RHOT1: variants seen among roughly 807,000 people sequenced by gnomAD.
The protein encoded by RHOT1 is ras homolog family member T1.
RHOT1 carries 27 observed loss-of-function variants against 95.3 expected under a neutral mutation model. That is an observed-to-expected ratio of 0.28 (90% CI 0.21 to 0.39). The LOEUF is 0.39. Among genes scored for constraint, RHOT1 ranks in the 10% least tolerant of loss-of-function variants. The pLI, the probability that RHOT1 is intolerant of heterozygous loss-of-function variation, is 1.00. For synonymous variants in RHOT1, 227 were observed against 263.5 expected (o/e 0.86, Z 1.34); for missense variants, 578 against 786.7 (o/e 0.73, Z 3.17).
chr17:32,187,566 A>C (rs1189194263), intron 8 of RHOT1, among the ~76,000 whole-genome samples: 4 of 152,182 alleles, frequency 2.6e-5, no homozygotes, highest in Non-Finnish European at 5.9e-5. Flanking sequence ...TCTGTACACT[A>C]AGGAAACATT....
At chr17:32,170,968 G>A in intron 1 of RHOT1, 75 bp from the exon 2 acceptor site, 1 of 914,126 alleles carries the variant, frequency 1.1e-6, no homozygotes, top group South Asian at 1.5e-5. Flanking sequence ...GTAACAGACT[G>A]CCTTATGTGG....
At chr17:32,181,980 C>T (rs1016424302) in intron 6 of RHOT1, among the ~76,000 whole-genome samples, 17 of 152,198 alleles carry the variant, frequency 1.1e-4, no homozygotes, top group African/African-American at 3.6e-4. Flanking sequence ...GCTGTTCCTT[C>T]CTCCTCGCTT....
At chr17:32,207,946 A>T (rs1190435764) in intron 17 of RHOT1, among the ~76,000 whole-genome samples, 161 bp from the exon 18 acceptor site, 1 of 152,142 alleles carries the variant, frequency 6.6e-6, no homozygotes, top group African/African-American at 2.4e-5. Context: ...TTATTATATG[A>T]GATTTACCTA....
intron 18 of RHOT1, 88 bp downstream of exon 18, chr17:32,208,397 T>C: frequency 7.9e-7 from 1 of 1,267,684 alleles, no homozygotes; most frequent in African/African-American, 1.5e-5. Context: ...CTTTGTCACA[T>C]AGGAATTGTT....
chr17:32,215,745 T>C (rs1241841267), intron 19 of RHOT1, among the ~76,000 whole-genome samples: 2 of 152,220 alleles, frequency 1.3e-5, no homozygotes, highest in African/African-American at 4.8e-5. Context: ...TTAAAAATTT[T>C]TATTTCCAAT....
At chr17:32,145,812 C>T (rs1056961130) in intron 1 of RHOT1, among the ~76,000 whole-genome samples, 2 of 151,916 alleles carry the variant, frequency 1.3e-5, no homozygotes, top group Non-Finnish European at 1.5e-5. Flanking sequence ...GTCAGGAGTT[C>T]GAGACCAGCC....
Position 32,198,929 on chromosome 17 carries a change from C to G in RHOT1, c.870-18C>G, listed in dbSNP as rs1188446666. 2 of 1,517,606 alleles carry G rather than the reference C, an allele frequency of 1.3e-6. No homozygotes were observed. The highest frequency in any genetic ancestry group is 1.2e-5 in the South Asian group (1 of 85,622). 94.0% of individuals were successfully genotyped at this position (1,517,606 alleles called of 1,614,324 possible). ...CATTTGATTAATGATTTATTTTACT[C>G]TTGAATTTTTTCAACAGGCTGAAAA... On this transcript the variant is annotated intron_variant, in intron 11 of 19. Coordinates refer to ENST00000545287, the MANE Select transcript of RHOT1 (RefSeq NM_001033566.3).
chr17:32,190,410 G>A (rs1180882390), intron 8 of RHOT1, among the ~76,000 whole-genome samples: 3 of 151,800 alleles, frequency 2.0e-5, no homozygotes, highest in Non-Finnish European at 2.9e-5. Flanking sequence ...AGCCAAGATC[G>A]CACAACTGCA....
intron 18 of RHOT1, among the ~76,000 whole-genome samples, chr17:32,210,619 C>CAT (rs1269599588): frequency 6.6e-6 from 1 of 152,144 alleles, no homozygotes; most frequent in Admixed American, 6.6e-5. Flanking sequence ...GGGTTGAATA[C>CAT]ACTTGTCTTT....
At chr17:32,160,897 A>G (rs2033480257) in intron 1 of RHOT1, among the ~76,000 whole-genome samples, 1 of 152,212 alleles carries the variant, frequency 6.6e-6, no homozygotes, top group Non-Finnish European at 1.5e-5. Context: ...GAACGAGCCC[A>G]GTGGGCCAGA....
At chr17:32,149,591 CTATA>C (rs1162059092) in intron 1 of RHOT1, among the ~76,000 whole-genome samples, 3,280 of 52,318 alleles carry the variant, frequency 0.063, 95 homozygotes, top group Non-Finnish European at 0.073. Flanking sequence ...CCCAGCAGTT[CTATA>C]TATATATATA....
intron 1 of RHOT1, among the ~76,000 whole-genome samples, chr17:32,164,341 C>G (rs2033852868): frequency 6.6e-6 from 1 of 151,670 alleles, no homozygotes; most frequent in Non-Finnish European, 1.5e-5. Flanking sequence ...TCAAGCGATT[C>G]TTCTGCCTCA....
At chr17:32,183,973 A>G (rs1316311722) in intron 8 of RHOT1, among the ~76,000 whole-genome samples, 1 of 152,260 alleles carries the variant, frequency 6.6e-6, no homozygotes, top group Non-Finnish European at 1.5e-5. Flanking sequence ...GGCGTGAGCC[A>G]CTGCGCCCAG....
intron 18 of RHOT1, chr17:32,209,475 G>A (rs1215063913): frequency 7.8e-7 from 1 of 1,290,284 alleles, no homozygotes; most frequent in Non-Finnish European, 1.1e-6. Flanking sequence ...TGACTTCTGT[G>A]GGATTTTGTT....
intron 6 of RHOT1, among the ~76,000 whole-genome samples, chr17:32,177,267 C>CTTAG (rs2035080133): frequency 6.6e-6 from 1 of 152,192 alleles, no homozygotes; most frequent in African/African-American, 2.4e-5. Flanking sequence ...CTCGGATACA[C>CTTAG]TTAGCCACGT....
intron 19 of RHOT1, among the ~76,000 whole-genome samples, chr17:32,214,462 C>T (rs923646489): frequency 6.6e-6 from 1 of 152,076 alleles, no homozygotes; most frequent in Non-Finnish European, 1.5e-5. Context: ...GTTTATAGTC[C>T]ACCAGCTTGC....
At position 32,186,566 on chromosome 17, in the gene RHOT1, T is replaced by C. The variant is rs897891891; in HGVS notation, c.540+3294T>C. Among the ~76,000 whole-genome samples, 9 of 152,050 alleles carry C rather than the reference T, an allele frequency of 5.9e-5. No homozygotes were observed. In the East Asian group the frequency reaches 9.7e-4, roughly 16 times the overall value. ...ATTTTTAGTAGAGACGGGGTTTCACTGTGTTAGCCAGGATGGTCTTGATCT... is the reference window on the plus strand; with the variant it reads ...ATTTTTAGTAGAGACGGGGTTTCACCGTGTTAGCCAGGATGGTCTTGATCT... On this transcript the variant is annotated intron_variant, in intron 8 of 19. Coordinates refer to ENST00000545287, the MANE Select transcript of RHOT1 (RefSeq NM_001033566.3).
intron 8 of RHOT1, among the ~76,000 whole-genome samples, chr17:32,185,131 A>G (rs903760477): frequency 2.7e-5 from 4 of 150,022 alleles, no homozygotes; most frequent in African/African-American, 9.8e-5. Context: ...GTTTTTTGAG[A>G]CGGAGTTTCG....
chr17:32,179,279 G>A (rs189951314), intron 6 of RHOT1: 1,813 of 141,628 alleles, frequency 0.013, 38 homozygotes, highest in African/African-American at 0.047. Context: ...AGTGAGGAGC[G>A]CCTCTGCCCA....
Sources: gnomAD v4.1 joint callset for allele counts (sites outside exome capture counted in the v4.1 genomes callset) on GRCh38, gnomAD v4.1.1 for gene constraint, MANE v1.5 for transcripts, NCBI Gene and HGNC (gene_info 2026-07-23, HGNC 2026-07-21) for gene names.